The following RFTN1 variants were observed in gnomAD, a reference collection of about 807,000 sequenced individuals.
The protein encoded by RFTN1 is raftlin, lipid raft linker 1, also known as raftlin.
In RFTN1, 26 loss-of-function variants were observed where a neutral mutation model predicts 46.5. The ratio of observed to expected loss-of-function variants is 0.56; its 90% CI spans 0.41 to 0.78. The LOEUF (loss-of-function observed/expected upper bound fraction) is 0.78. Ranked by LOEUF, RFTN1 falls within the 30% of genes least tolerant of loss-of-function variation. The pLI is 0.00. For missense variants in RFTN1, 693 were observed against 718.7 expected (o/e 0.96, Z 0.41); for synonymous variants, 261 against 284.2 (o/e 0.92, Z 0.82).
Position 16,512,308 on chromosome 3 carries a change from C to T in RFTN1, c.-9+1134G>A, listed in dbSNP as rs1331334697. ...ACACGATGGCAGGGGTTGGAAGATG[C>T]CTAGTCTAGTTGAGCGCCCAGCTCC... On this transcript the variant is annotated intron_variant, in intron 1 of 9. Coordinates refer to ENST00000334133, the MANE Select transcript of RFTN1 (RefSeq NM_015150.2). The surrounding 1 kb of genome is among the most constrained non-coding windows in gnomAD (Gnocchi z 4.3). Among the ~76,000 whole-genome samples the T allele has an allele frequency of 6.6e-6, 1 of 152,126 alleles. No homozygotes were observed. The highest frequency in any genetic ancestry group is 2.4e-5 in the African/African-American group (1 of 41,410).
chr3:16,442,531 G>A lies in RFTN1; in HGVS notation c.146-8494C>T, dbSNP rs960810593. Among the ~76,000 whole-genome samples the A allele has an allele frequency of 1.3e-5, 2 of 152,152 alleles. No individual in the cohort carries two copies. Among genetic ancestry groups the A allele is most frequent in the Non-Finnish European group, 2.9e-5 (2 of 68,026 alleles). On this transcript the variant is annotated intron_variant, in intron 2 of 9. Coordinates refer to ENST00000334133, the MANE Select transcript of RFTN1 (RefSeq NM_015150.2). The surrounding 1 kb of genome is among the most constrained non-coding windows in gnomAD (Gnocchi z 4.1). ...ATACTTAGTTCAAATGATTACTACAGTCAAGAAAACCAACATAACCATCAT... is the reference window on the plus strand; with the variant it reads ...ATACTTAGTTCAAATGATTACTACAATCAAGAAAACCAACATAACCATCAT...
rs78402928 is a variant in RFTN1, at chr3:16,418,947, T to C, written c.333-9464A>G. On this transcript the variant is annotated intron_variant, in intron 3 of 9. Transcript: ENST00000334133. This position sits in a 1 kb window ranked among gnomAD's most constrained non-coding sequence, Gnocchi z 5.0. ...AACAGAAGTGCTATGAGAATTCAATTATTTCCAGTGTCAAGGATCAGGGGA... is the reference window on the plus strand; with the variant it reads ...AACAGAAGTGCTATGAGAATTCAATCATTTCCAGTGTCAAGGATCAGGGGA... 1.4e-3 allele frequency among the ~76,000 whole-genome samples: 215 copies of C among 152,266 alleles called. 5 individuals are homozygous for C. Among genetic ancestry groups the C allele is most frequent in the East Asian group, 0.012 (61 of 5,190 alleles).
At chr3:16,397,388 G>A (rs1236404551) in intron 4 of RFTN1, among the ~76,000 whole-genome samples, 2 of 152,206 alleles carry the variant, frequency 1.3e-5, no homozygotes, top group East Asian at 3.8e-4. Flanking sequence ...CGAAATTGAA[G>A]ATATGCAGGA....
chr3:16,461,680 C>T (rs1281802511), intron 2 of RFTN1, among the ~76,000 whole-genome samples: 1 of 152,168 alleles, frequency 6.6e-6, no homozygotes, highest in Non-Finnish European at 1.5e-5. Context: ...ATTAATAACC[C>T]CATTTACCTC....
rs1178058154 is a variant in RFTN1 at position 16,449,165 on chromosome 3, T to G, written c.146-15128A>C. Among the ~76,000 whole-genome samples the G allele has an allele frequency of 1.3e-5, 2 of 152,236 alleles. No homozygotes were observed. The highest frequency in any genetic ancestry group is 2.9e-5 in the Non-Finnish European group (2 of 68,036). On this transcript the variant is annotated intron_variant, in intron 2 of 9. Transcript: ENST00000334133. This position sits in a 1 kb window ranked among gnomAD's most constrained non-coding sequence, Gnocchi z 5.1. The stretch of plus-strand genomic sequence containing the variant: ...ATTCATACGAAATGAGTAGGATTAT[T>G]ACTTTGTTTTAACCAGAGTGCATTT...
Position 16,400,083 on chromosome 3 carries a change from C to G in RFTN1, c.441+9292G>C, listed in dbSNP as rs1400824404. Among the ~76,000 whole-genome samples, 3 of 152,198 alleles carry G rather than the reference C, an allele frequency of 2.0e-5. No homozygotes were observed. The highest frequency in any genetic ancestry group is 7.2e-5 in the African/African-American group (3 of 41,448). ...ATTTAGGAATCATTCTCCAGCTGCTCCTGAAAGCCCTCCAGCAGCTTTGCA... is the reference window on the plus strand; with the variant it reads ...ATTTAGGAATCATTCTCCAGCTGCTGCTGAAAGCCCTCCAGCAGCTTTGCA... On this transcript the variant is annotated intron_variant, in intron 4 of 9. Transcript: ENST00000334133. This position sits in a 1 kb window ranked among gnomAD's most constrained non-coding sequence, Gnocchi z 4.5.
Position 16,342,972 on chromosome 3 carries a change from C to G in RFTN1, c.1146+14960G>C. Among the ~76,000 whole-genome samples the G allele has an allele frequency of 6.6e-6, 1 of 152,140 alleles. No individual in the cohort carries two copies. The highest frequency in any genetic ancestry group is 2.4e-5 in the African/African-American group (1 of 41,430). ...CTCCCACTACAGCCCCTCTGAGTCG[C>G]TGGGAATACAGGCACACACCACCAT... On this transcript the variant is annotated intron_variant, in intron 7 of 9. Coordinates refer to ENST00000334133, the MANE Select transcript of RFTN1 (RefSeq NM_015150.2). The surrounding 1 kb of genome is among the most constrained non-coding windows in gnomAD (Gnocchi z 4.0).
rs34673484 is a variant in RFTN1, at chr3:16,431,500, GA to G, written c.332+2350del. On this transcript the variant is annotated intron_variant, in intron 3 of 9. Coordinates refer to ENST00000334133, the MANE Select transcript of RFTN1 (RefSeq NM_015150.2). ...GAGAAGTGTTGCTCCACAGCAGGGA[GA>G]AAAAAAAAAAAAGATACACCTTCAC... Among the ~76,000 whole-genome samples, 490 of 141,756 alleles carry G rather than the reference GA, an allele frequency of 3.5e-3. 1 individual carries two copies. Among genetic ancestry groups the G allele is most frequent in the South Asian group, 9.9e-3 (44 of 4,444 alleles). The allele number at this position is 141,756 out of a possible 152,430, so 93.0% of individuals were successfully genotyped here.
At chr3:16,369,714 TACAA>T (rs1323527739) in intron 6 of RFTN1, among the ~76,000 whole-genome samples, 4 of 152,342 alleles carry the variant, frequency 2.6e-5, no homozygotes, top group South Asian at 2.1e-4. Context: ...TAATAGTGTC[TACAA>T]ACAATTTGCA....
At chr3:16,492,370 G>A (rs1295306363) in intron 2 of RFTN1, among the ~76,000 whole-genome samples, 1 of 152,166 alleles carries the variant, frequency 6.6e-6, no homozygotes, top group African/African-American at 2.4e-5. Context: ...GCCAGACATT[G>A]TGCTACGAGC....
In RFTN1 at chr3:16,345,557, G is replaced by A. The variant is rs1036663961; in HGVS notation, c.1146+12375C>T. 3.3e-5 allele frequency among the ~76,000 whole-genome samples: 5 copies of A among 152,082 alleles called. No homozygotes were observed. ...GACCTGAACAGAACAAAGGGTGGAG[G>A]AAGGCTGAATTAACACCGCCTGACT... On this transcript the variant is annotated intron_variant, in intron 7 of 9. Transcript: ENST00000334133. The surrounding 1 kb of genome is among the most constrained non-coding windows in gnomAD (Gnocchi z 5.2).
chr3:16,376,310 AG>A lies in RFTN1; in HGVS notation c.826+1407del, dbSNP rs959007689. 5.3e-4 allele frequency among the ~76,000 whole-genome samples: 81 copies of A among 152,320 alleles called. No homozygotes were observed. Among genetic ancestry groups the A allele is most frequent in the African/African-American group, 1.8e-3 (76 of 41,568 alleles). On this transcript the variant is annotated intron_variant, in intron 5 of 9. Coordinates refer to ENST00000334133, the MANE Select transcript of RFTN1 (RefSeq NM_015150.2). This position sits in a 1 kb window ranked among gnomAD's most constrained non-coding sequence, Gnocchi z 4.7. ...AAAGGGTGAGAAACTGAGGCACGGA[AG>A]GCAGGCCGGAATGTATACTCTAGAT...
Position 16,337,370 on chromosome 3 carries a change from G to A in RFTN1, c.1147-10494C>T, listed in dbSNP as rs539606998. 1 of 152,294 alleles carries A rather than the reference G, an allele frequency of 6.6e-6. No individual in the cohort carries two copies. The highest frequency in any genetic ancestry group is 6.5e-5 in the Admixed American group (1 of 15,300). 9.4% of individuals were successfully genotyped at this position (152,294 alleles called of 1,614,324 possible). A position where few individuals can be genotyped will look rare whatever the true frequency, so the allele number is the denominator to read the frequency against. On this transcript the variant is annotated intron_variant, in intron 7 of 9. Coordinates refer to ENST00000334133, the MANE Select transcript of RFTN1 (RefSeq NM_015150.2). The surrounding 1 kb of genome is among the most constrained non-coding windows in gnomAD (Gnocchi z 5.0). ...TTTATTACACAGCAGAAGCTAACTGGTGTATTACTATTATTACTATTATTC... is the reference window on the plus strand; with the variant it reads ...TTTATTACACAGCAGAAGCTAACTGATGTATTACTATTATTACTATTATTC...
At chr3:16,324,613 A>ACCC (rs111849488) in intron 8 of RFTN1, among the ~76,000 whole-genome samples, 2,317 of 90,722 alleles carry the variant, frequency 0.026, 262 homozygotes, top group Middle Eastern at 0.058. Context: ...AATGTCCCTG[A>ACCC]CCCCCCCCCT....
chr3:16,320,578 C>T lies in RFTN1; in HGVS notation c.1332+2798G>A, dbSNP rs994196057. ...AATAATGATCACAAATAACTAAAAG[C>T]CCAAAGGAGAGCTCTGAAGGAGAAG... is the stretch of plus-strand genomic sequence containing the variant. On this transcript the variant is annotated intron_variant, in intron 9 of 9. Transcript: ENST00000334133. The surrounding 1 kb of genome is among the most constrained non-coding windows in gnomAD (Gnocchi z 4.5). 6.6e-6 allele frequency among the ~76,000 whole-genome samples: 1 copy of T among 152,186 alleles called. No individual in the cohort carries two copies. The highest frequency in any genetic ancestry group is 2.4e-5 in the African/African-American group (1 of 41,436).
At chr3:16,392,033 T>A (rs960776442) in intron 4 of RFTN1, among the ~76,000 whole-genome samples, 3 of 152,080 alleles carry the variant, frequency 2.0e-5, no homozygotes, top group Non-Finnish European at 4.4e-5. Context: ...GTTCCAGATT[T>A]CTTGAGGAGG....
chr3:16,389,261 CAG>C (rs2074290220), intron 4 of RFTN1, among the ~76,000 whole-genome samples: 1 of 152,174 alleles, frequency 6.6e-6, no homozygotes, highest in South Asian at 2.1e-4. Context: ...AAAAATATAA[CAG>C]GGTCCTAATG....
chr3:16,458,465 T>TTG lies in RFTN1; in HGVS notation c.146-24429_146-24428insCA, dbSNP rs1305494121. ...CCTCCTCATGATGTGAATTTTTCCT[T>TTG]TCACTTGTCATTAATTCTGTTCATC... is the stretch of plus-strand genomic sequence containing the variant. On this transcript the variant is annotated intron_variant, in intron 2 of 9. Transcript: ENST00000334133. The surrounding 1 kb of genome is among the most constrained non-coding windows in gnomAD (Gnocchi z 5.1). 6.6e-6 allele frequency among the ~76,000 whole-genome samples: 1 copy of TTG among 152,246 alleles called. No homozygotes were observed. The highest frequency in any genetic ancestry group is 2.4e-5 in the African/African-American group (1 of 41,466).
At position 16,329,931 on chromosome 3, in the gene RFTN1, A is replaced by C. The variant is rs1183587490; in HGVS notation, c.1147-3055T>G. On this transcript the variant is annotated intron_variant, in intron 7 of 9. Coordinates refer to ENST00000334133, the MANE Select transcript of RFTN1 (RefSeq NM_015150.2). The surrounding 1 kb of genome is among the most constrained non-coding windows in gnomAD (Gnocchi z 4.5). The stretch of plus-strand genomic sequence containing the variant: ...GGGCACCCAGAGCTGCGAGACAATG[A>C]ACGACCCCTGCTGCAGCCCGACCCG... Among the ~76,000 whole-genome samples, 2 of 152,128 alleles carry C rather than the reference A, an allele frequency of 1.3e-5. No homozygotes were observed. Among genetic ancestry groups the C allele is most frequent in the African/African-American group, 2.4e-5 (1 of 41,412 alleles).
Sources: allele counts gnomAD v4.1 joint callset (sites outside exome capture counted in the v4.1 genomes callset), GRCh38; gene constraint gnomAD v4.1.1; non-coding constraint Gnocchi (gnomAD v3.1); transcripts MANE v1.5; gene names NCBI Gene and HGNC (gene_info 2026-07-23, HGNC 2026-07-21).